WDR26: variants seen among roughly 807,000 people sequenced by gnomAD.
WDR26 encodes the protein WD repeat-containing protein 26.
WDR26 carries 5 observed loss-of-function variants against 84.1 expected under a neutral mutation model. That is an observed-to-expected ratio of 0.06 (90% CI 0.03 to 0.13). WDR26 has a LOEUF of 0.13. Ranked by LOEUF, WDR26 falls within the 10% of genes least tolerant of loss-of-function variation. The pLI is 1.00. For synonymous variants in WDR26, 415 were observed against 389.6 expected (o/e 1.07, Z -0.77); for missense variants, 642 against 974.9 (o/e 0.66, Z 4.55).
At chr1:224,417,739 T>C (rs925919413) in intron 6 of WDR26, among the ~76,000 whole-genome samples, 1 of 152,174 alleles carries the variant, frequency 6.6e-6, no homozygotes, top group African/African-American at 2.4e-5. Flanking sequence ...AATAAAGCTA[T>C]ACTTTAATTT....
At position 224,424,669 on chromosome 1, in the gene WDR26, A is replaced by AG; in HGVS notation, c.928-16dup. 2 of 1,614,146 alleles carry AG rather than the reference A, an allele frequency of 1.2e-6. No individual in the cohort carries two copies. The highest frequency in any genetic ancestry group is 1.7e-6 in the Non-Finnish European group (2 of 1,180,020). ...AACTTCATCCTCTGACATGACAGAA[A>AG]GCAGCAGTCAGGGGAAAAAAGTTGA... On this transcript the variant is annotated splice_polypyrimidine_tract_variant and intron_variant, in intron 3 of 13. Transcript: ENST00000414423.
chr1:224,407,172 A>ATT (rs1491214480), intron 7 of WDR26, among the ~76,000 whole-genome samples: 1 of 111,988 alleles, frequency 8.9e-6, no homozygotes, highest in Non-Finnish European at 1.8e-5. Flanking sequence ...ATATATATAT[A>ATT]ACTCAAAAAC....
chr1:224,434,036 C>T lies in WDR26; in HGVS notation c.370G>A (p.Gly124Arg). Residue 124 changes from glycine to arginine, a missense_variant, in exon 1 of 14, where the codon GGG becomes AGG. Gly to Arg is a moderately radical substitution (Grantham distance 125). This residue lies in a region of WDR26 where 291 missense variants were observed against 302.1 expected (regional missense o/e 0.96). Coordinates refer to ENST00000414423, the MANE Select transcript of WDR26 (RefSeq NM_001379403.1). ...AGTTCCGGGGTCTGTCCCTGGCCCC[C>T]GCCGCCCCCTCCTCCTCCACCGCCG... 1 of 1,465,620 alleles carries T rather than the reference C, an allele frequency of 6.8e-7. No individual in the cohort carries two copies. The highest frequency in any genetic ancestry group is 9.0e-7 in the Non-Finnish European group (1 of 1,113,040). The allele number at this position is 1,465,620 out of a possible 1,614,324, so 90.8% of individuals were successfully genotyped here. A position where few individuals can be genotyped will look rare whatever the true frequency, so the allele number is the denominator to read the frequency against.
intron 1 of WDR26, 26 bp from the exon 2 acceptor site, chr1:224,431,807 A>T: frequency 6.5e-7 from 1 of 1,549,672 alleles, no homozygotes; most frequent in Non-Finnish European, 8.8e-7. Flanking sequence ...AGTGTAAAAC[A>T]GACCTGACCA....
chr1:224,409,769 A>G (rs1369812869), intron 7 of WDR26, among the ~76,000 whole-genome samples: 1 of 151,978 alleles, frequency 6.6e-6, no homozygotes, highest in Non-Finnish European at 1.5e-5. Flanking sequence ...AGGCTGAGGC[A>G]TAAGAATCTC....
At chr1:224,431,845 A>G in intron 1 of WDR26, 64 bp from the exon 2 acceptor site, 1 of 1,300,532 alleles carries the variant, frequency 7.7e-7, no homozygotes, top group South Asian at 1.7e-5. Flanking sequence ...CTTCAAATAA[A>G]CTAATGTCCA....
chr1:224,428,743 A>C (rs1674300902), intron 3 of WDR26, among the ~76,000 whole-genome samples: 1 of 76,704 alleles, frequency 1.3e-5, no homozygotes, highest in Non-Finnish European at 2.6e-5. Flanking sequence ...CTAAAAATAC[A>C]AAAAAAAAAA....
intron 4 of WDR26, among the ~76,000 whole-genome samples, chr1:224,420,319 C>A (rs997584780): frequency 1.3e-5 from 2 of 152,130 alleles, no homozygotes; most frequent in African/African-American, 2.4e-5. Context: ...GGGAGTGTGA[C>A]CCTGACCTGG....
At chr1:224,411,646 ACTT>A in intron 6 of WDR26, 81 bp from the exon 7 acceptor site, 3 of 1,418,160 alleles carry the variant, frequency 2.1e-6, no homozygotes, top group Non-Finnish European at 2.8e-6. Flanking sequence ...AACTGACAAA[ACTT>A]CTTTGAAGAT....
intron 12 of WDR26, among the ~76,000 whole-genome samples, chr1:224,395,046 C>A (rs796982279): frequency 1.3e-5 from 2 of 152,226 alleles, no homozygotes; most frequent in East Asian, 3.9e-4. Context: ...AAAAAACTAG[C>A]CACATAGTAT....
At chr1:224,401,909 T>C (rs1468359142) in intron 8 of WDR26, 1 of 152,104 alleles carries the variant, frequency 6.6e-6, no homozygotes, top group African/African-American at 2.4e-5. Context: ...AGCCATTCCG[T>C]GGCATTTCTA....
chr1:224,392,677 A>G (rs72758316), intron 13 of WDR26, among the ~76,000 whole-genome samples: 13,659 of 152,204 alleles, frequency 0.09, 640 homozygotes, highest in South Asian at 0.15. Flanking sequence ...TGGGCAAATG[A>G]ACAGTAGTTC....
rs557220727 is a variant in WDR26 at position 224,421,421 on chromosome 1, C to T, written c.1065-1806G>A. Among the ~76,000 whole-genome samples the T allele has an allele frequency of 1.6e-4, 24 of 152,186 alleles. 1 individual carries two copies. Among genetic ancestry groups the T allele is most frequent in the African/African-American group, 5.5e-4 (23 of 41,536 alleles). On this transcript the variant is annotated intron_variant, in intron 4 of 13. Coordinates refer to ENST00000414423, the MANE Select transcript of WDR26 (RefSeq NM_001379403.1). ...CCAACATGGCGAAACCCCGTCTCTA[C>T]TAAAAATACAGAAAAAAAATTAACT...
chr1:224,424,786 G>T, intron 3 of WDR26, 132 bp from the exon 4 acceptor site: 3 of 1,175,180 alleles, frequency 2.6e-6, no homozygotes, highest in Non-Finnish European at 1.2e-6. Context: ...GCTTCAAGAT[G>T]ACTCAAAATA....
At chr1:224,415,613 G>A (rs1244226823) in intron 6 of WDR26, among the ~76,000 whole-genome samples, 2 of 151,768 alleles carry the variant, frequency 1.3e-5, no homozygotes, top group African/African-American at 2.4e-5. Flanking sequence ...GGCGTGTGCC[G>A]CCATGCCCGG....
At chr1:224,429,470 AT>A in intron 3 of WDR26, 1 of 152,198 alleles carries the variant, frequency 6.6e-6, no homozygotes, top group Non-Finnish European at 1.5e-5. Context: ...ATTATTACAA[AT>A]TTAAGCTTAT....
At chr1:224,392,704 G>A (rs1053088363) in intron 13 of WDR26, among the ~76,000 whole-genome samples, 1 of 152,002 alleles carries the variant, frequency 6.6e-6, no homozygotes, top group Non-Finnish European at 1.5e-5. Flanking sequence ...TTTTTGACTC[G>A]TGTGCTCTTC....
intron 1 of WDR26, 36 bp from the exon 2 acceptor site, chr1:224,431,817 A>G: frequency 7.9e-6 from 12 of 1,518,124 alleles, no homozygotes; most frequent in Non-Finnish European, 1.1e-5. Context: ...AGACCTGACC[A>G]ATTTTAGGGT....
chr1:224,417,887 T>C (rs1673952270), intron 6 of WDR26, among the ~76,000 whole-genome samples: 1 of 152,236 alleles, frequency 6.6e-6, no homozygotes, highest in Admixed American at 6.5e-5. Context: ...TTAATAGCTG[T>C]TGTTCTAGCC....
Sources: allele counts gnomAD v4.1 joint callset (sites outside exome capture counted in the v4.1 genomes callset), GRCh38; gene constraint gnomAD v4.1.1; regional missense constraint gnomAD v4.1.1; transcripts MANE v1.5; gene names NCBI Gene and HGNC (gene_info 2026-07-23, HGNC 2026-07-21).